The following NKD2 variants were observed in gnomAD, a reference collection of about 807,000 sequenced individuals.
NKD2 encodes protein naked cuticle homolog 2.
In NKD2, 43 loss-of-function variants were observed where a neutral mutation model predicts 34.8. That is an observed-to-expected ratio of 1.24 (90% confidence interval 0.97 to 1.60). The LOEUF is 1.60. NKD2 is among the 40% of genes most tolerant of loss of function. The probability of loss-of-function intolerance (pLI) is 0.00; values close to 1 mark genes in which losing one functional copy is unlikely to be tolerated. For missense variants in NKD2, 675 were observed against 627.1 expected (o/e 1.08, Z -0.82); for synonymous variants, 278 against 265.1 (o/e 1.05, Z -0.47).
intron 3 of NKD2, among the ~76,000 whole-genome samples, chr5:1,022,229 C>T (rs1756227382): frequency 6.6e-6 from 1 of 151,254 alleles, no homozygotes; most frequent in East Asian, 2.0e-4. Flanking sequence ...TGTCCCAGCC[C>T]TTTGTCCCTG....
At chr5:1,030,700 C>G (rs536502305) in intron 3 of NKD2, among the ~76,000 whole-genome samples, 191 of 152,300 alleles carry the variant, frequency 1.3e-3, no homozygotes, top group Admixed American at 2.2e-3. Context: ...GCCCCTCAGG[C>G]TGCAGCAGCC....
chr5:1,020,487 G>A lies in NKD2; in HGVS notation c.141+10927G>A, dbSNP rs533402789. 1.8e-3 allele frequency among the ~76,000 whole-genome samples: 269 copies of A among 152,174 alleles called. 1 individual carries two copies. Among genetic ancestry groups the A allele is most frequent in the African/African-American group, 6.2e-3 (256 of 41,486 alleles). The stretch of plus-strand genomic sequence containing the variant: ...CTAGCTGACGATGGAGACTCTGGGA[G>A]GGCTGTGGGTTCCCATTCCTGAGCC... On this transcript the variant is annotated intron_variant, in intron 3 of 9. Transcript: ENST00000296849.
intron 3 of NKD2, among the ~76,000 whole-genome samples, chr5:1,031,149 C>A (rs1420827910): frequency 6.6e-6 from 1 of 152,154 alleles, no homozygotes; most frequent in Non-Finnish European, 1.5e-5. Context: ...GGCCAGACTC[C>A]AGGAACCCCA....
Position 1,030,556 on chromosome 5 carries a change from A to T in NKD2, c.142-1596A>T, listed in dbSNP as rs369699294. On this transcript the variant is annotated intron_variant, in intron 3 of 9. Transcript: ENST00000296849. The stretch of plus-strand genomic sequence containing the variant: ...ATTATTCTGATTTTGAAATAAATAA[A>T]TAAATAACTACAGCCTGGGTTTTAG... 1.4e-4 allele frequency among the ~76,000 whole-genome samples: 21 copies of T among 152,342 alleles called. No homozygotes were observed. In the East Asian group the frequency reaches 2.9e-3, roughly 21 times the overall value.
At chr5:1,029,879 G>T (rs573812640) in intron 3 of NKD2, among the ~76,000 whole-genome samples, 2 of 152,266 alleles carry the variant, frequency 1.3e-5, no homozygotes, top group Admixed American at 6.5e-5. Flanking sequence ...TGCTGTACGC[G>T]CTGGCCCTCA....
chr5:1,012,832 G>C (rs1016300311), intron 3 of NKD2, among the ~76,000 whole-genome samples: 2 of 152,352 alleles, frequency 1.3e-5, no homozygotes. Flanking sequence ...CCTGTCCTCT[G>C]TGGGTCCAGA....
chr5:1,034,778 C>T lies in NKD2; in HGVS notation c.449C>T (p.Thr150Ile). 1 of 1,612,756 alleles carries T rather than the reference C, an allele frequency of 6.2e-7. No homozygotes were observed. Among genetic ancestry groups the T allele is most frequent in the Non-Finnish European group, 8.5e-7 (1 of 1,179,890 alleles). Residue 150 changes from threonine to isoleucine, a missense_variant, in exon 7 of 10, where the codon ACC becomes ATC. Physicochemically the swap from Thr to Ile is moderately conservative, Grantham distance 89. Transcript: ENST00000296849. ...TREDMSSLMH[T>I]IYEVVDASVN... is the part of the protein sequence containing the mutation. ...CAGGACATGTCCAGCCTCATGCACA[C>T]CATCTATGAGGTCGTGGATGCCTCG... is the stretch of plus-strand genomic sequence containing the variant.
In NKD2 at chr5:1,038,313, GCACCACCACCACCACGAGCACCACCAC is replaced by G. The variant is rs770880141; in HGVS notation, c.1312_1338del (p.Glu438_His446del). On this transcript the variant is annotated inframe_deletion, in exon 10 of 10. Transcript: ENST00000296849. The surrounding 1 kb of genome is among the most constrained non-coding windows in gnomAD (Gnocchi z 4.5). ...CGGTGCCAGTGATCCAGCGGCACGA[GCACCACCACCACCACGAGCACCACCAC>G]CACCACCACCACCACCACTTCCACC... The G allele has an allele frequency of 8.1e-5, 124 of 1,538,204 alleles. No individual in the cohort carries two copies. The highest frequency in any genetic ancestry group is 3.4e-4 in the East Asian group (14 of 41,000).
chr5:1,033,109 G>A lies in NKD2; in HGVS notation c.203-263G>A, dbSNP rs558495053. The stretch of plus-strand genomic sequence containing the variant: ...CTATGTTCCCCTATCTGTGCTCCTC[G>A]GAGTCTGCTGCACCCCCAGCTCTGA... On this transcript the variant is annotated intron_variant, in intron 4 of 9. Coordinates refer to ENST00000296849, the MANE Select transcript of NKD2 (RefSeq NM_033120.4). Among the ~76,000 whole-genome samples, 141 of 152,312 alleles carry A rather than the reference G, an allele frequency of 9.3e-4. 4 individuals carry two copies. The South Asian group carries it at 0.028, about 30-fold the overall frequency.
intron 3 of NKD2, among the ~76,000 whole-genome samples, chr5:1,021,418 G>GC (rs1352821670): frequency 0.016 from 1,980 of 124,106 alleles, 49 homozygotes; most frequent in African/African-American, 0.048. Flanking sequence ...CCCCGACCCA[G>GC]CCCCCCCCAG....
Position 1,035,404 on chromosome 5 carries a change from G to T in NKD2, c.590G>T (p.Arg197Leu), listed in dbSNP as rs137977762. The change falls in exon 8 of 10, where the codon CGT (arginine) becomes CTT (leucine). Residue 197 changes from arginine to leucine, a missense_variant. By Grantham distance (102) the Arg-to-Leu change is moderately radical. Coordinates refer to ENST00000296849, the MANE Select transcript of NKD2 (RefSeq NM_033120.4). Reference protein sequence around the residue: ...PPAGQDREPTRCRMEGELAEE... With the variant: ...PPAGQDREPTLCRMEGELAEE... ...CCCCTTTCAGACCGGGAGCCCACCC[G>T]TTGCAGGATGGAGGGTGAACTGGCA... 4 of 1,558,678 alleles carry T rather than the reference G, an allele frequency of 2.6e-6. No homozygotes were observed. The highest frequency in any genetic ancestry group is 3.5e-6 in the Non-Finnish European group (4 of 1,150,996).
intron 3 of NKD2, among the ~76,000 whole-genome samples, chr5:1,010,268 G>A (rs750430410): frequency 1.3e-5 from 2 of 152,202 alleles, no homozygotes; most frequent in Non-Finnish European, 2.9e-5. Context: ...GCGTGAGAAA[G>A]CTAACATTTG....
chr5:1,033,427 C>T lies in NKD2; in HGVS notation c.258C>T (p.Ser86=), dbSNP rs761289660. The T allele has an allele frequency of 3.8e-6, 6 of 1,586,238 alleles. No homozygotes were observed. Among genetic ancestry groups the T allele is most frequent in the African/African-American group, 2.7e-5 (2 of 74,164 alleles). The change falls in exon 5 of 10, where the codon AGC becomes AGT. Residue 86 remains serine, a synonymous_variant. Coordinates refer to ENST00000296849, the MANE Select transcript of NKD2 (RefSeq NM_033120.4). ...EGREHPGQLL[S]ADDGERAANR... ...GCGAGCACCCGGGACAACTCCTCAG[C>T]GCAGATGACGGAGAGAGGGCAGCAA...
At chr5:1,033,284 T>A (rs1756715676) in intron 4 of NKD2, 88 bp from the exon 5 acceptor site, 1 of 1,257,436 alleles carries the variant, frequency 8.0e-7, no homozygotes, top group Non-Finnish European at 1.1e-6. Context: ...CATGGTGTGG[T>A]GAGGGGAGAG....
chr5:1,021,789 C>T lies in NKD2; in HGVS notation c.142-10363C>T, dbSNP rs188882217. ...CGCAGACGCCGGTGGCAGGTTCCCCCCTCCCATGGTGACATTTTGGAGAGG... is the reference window on the plus strand; with the variant it reads ...CGCAGACGCCGGTGGCAGGTTCCCCTCTCCCATGGTGACATTTTGGAGAGG... On this transcript the variant is annotated intron_variant, in intron 3 of 9. Transcript: ENST00000296849. Among the ~76,000 whole-genome samples, 5 of 152,210 alleles carry T rather than the reference C, an allele frequency of 3.3e-5. No individual in the cohort carries two copies. The East Asian group carries it at 7.8e-4, about 24-fold the overall frequency.
At chr5:1,016,960 C>T (rs1487761371) in intron 3 of NKD2, among the ~76,000 whole-genome samples, 20 of 146,692 alleles carry the variant, frequency 1.4e-4, no homozygotes, top group African/African-American at 5.1e-4. Flanking sequence ...AGAGCAGACC[C>T]CATCCTCCTT....
chr5:1,033,646 A>G, intron 5 of NKD2, 147 bp downstream of exon 5: 2 of 1,058,538 alleles, frequency 1.9e-6, no homozygotes, highest in Non-Finnish European at 2.6e-6. Flanking sequence ...TAAGGCATTG[A>G]AGCAGAACTT....
chr5:1,017,165 G>GCCTCCCTGCTGC (rs1381721969), intron 3 of NKD2, among the ~76,000 whole-genome samples: 1 of 152,202 alleles, frequency 6.6e-6, no homozygotes, highest in Non-Finnish European at 1.5e-5. Flanking sequence ...GCCCCTGGTG[G>GCCTCCCTGCTGC]CCTCCCTGCT....
Position 1,038,461 on chromosome 5 carries a change from TG to T in NKD2, c.*92del. 1 of 1,534,356 alleles carries T rather than the reference TG, an allele frequency of 6.5e-7. No homozygotes were observed. Among genetic ancestry groups the T allele is most frequent in the Non-Finnish European group, 8.7e-7 (1 of 1,146,350 alleles). ...AGAGCAGCTGCCGGCTGTGTGCCCATGGGGAGCCCAGCCCCCACCCCCCACC... is the reference window on the plus strand; with the variant it reads ...AGAGCAGCTGCCGGCTGTGTGCCCATGGGAGCCCAGCCCCCACCCCCCACC... On this transcript the variant is annotated 3_prime_UTR_variant, in exon 10 of 10. Transcript: ENST00000296849. This position sits in a 1 kb window ranked among gnomAD's most constrained non-coding sequence, Gnocchi z 4.5.
Sources: allele counts gnomAD v4.1 joint callset (sites outside exome capture counted in the v4.1 genomes callset), GRCh38; gene constraint gnomAD v4.1.1; non-coding constraint Gnocchi (gnomAD v3.1); transcripts MANE v1.5; gene names NCBI Gene and HGNC (gene_info 2026-07-23, HGNC 2026-07-21).